The following ALKBH7 variants were observed in gnomAD, a reference collection of about 807,000 sequenced individuals.
ALKBH7 encodes RNA demethylase ALKBH7, mitochondrial.
In ALKBH7, 21 loss-of-function variants were observed where a neutral mutation model predicts 19.3. The ratio of observed to expected loss-of-function variants is 1.09; its 90% CI spans 0.77 to 1.56. The LOEUF is 1.56. Ranked by LOEUF, ALKBH7 falls within the 40% of genes most tolerant of loss-of-function variation. The pLI, the probability that ALKBH7 is intolerant of heterozygous loss-of-function variation, is 0.00. For missense variants in ALKBH7, 354 were observed against 311.4 expected (o/e 1.14, Z -1.03); for synonymous variants, 147 against 139.5 (o/e 1.05, Z -0.38).
intron 1 of ALKBH7, chr19:6,373,413 G>A (rs2091902328): frequency 2.3e-6 from 1 of 432,968 alleles, no homozygotes; most frequent in African/African-American, 2.1e-5. Flanking sequence ...GTGCTGGGAT[G>A]GGGCGTGGCC....
intron 1 of ALKBH7, chr19:6,373,393 G>A: frequency 2.2e-6 from 1 of 452,624 alleles, no homozygotes; most frequent in Non-Finnish European, 3.8e-6. Context: ...GGCGGGGACA[G>A]TGGGGACCAG....
At chr19:6,373,784 G>T in intron 1 of ALKBH7, 1 of 1,287,718 alleles carries the variant, frequency 7.8e-7, no homozygotes, top group Non-Finnish European at 9.8e-7. Context: ...TATGGTGGGG[G>T]CTGGGCTGAA....
intron 1 of ALKBH7, 135 bp from the exon 2 acceptor site, chr19:6,374,068 C>G: frequency 6.6e-7 from 1 of 1,520,280 alleles, no homozygotes; most frequent in Admixed American, 2.4e-5. Flanking sequence ...AGTTGAGGGG[C>G]TAGGGGAGTT....
rs2091903774 is a variant in ALKBH7 at position 6,373,599 on chromosome 19, G to T, written c.204+575G>T. The T allele has an allele frequency of 3.3e-6, 4 of 1,226,514 alleles. No homozygotes were observed. In the African/African-American group the frequency reaches 6.3e-5, roughly 19 times the overall value. The allele number at this position is 1,226,514 out of a possible 1,614,324, so 76.0% of individuals were successfully genotyped here. On this transcript the variant is annotated intron_variant, in intron 1 of 3. Transcript: ENST00000245812. Reference sequence around the variant, plus strand: ...ATGGGGCGGGGCCAAGCTTGGGGCGGGGTCCGTGGAGTCAAGCGCCGGGAT... The same window carrying T: ...ATGGGGCGGGGCCAAGCTTGGGGCGTGGTCCGTGGAGTCAAGCGCCGGGAT...
At chr19:6,373,059 G>A (rs764925570) in intron 1 of ALKBH7, 35 bp downstream of exon 1, 3 of 1,535,324 alleles carry the variant, frequency 2.0e-6, no homozygotes, top group Non-Finnish European at 8.7e-7. Context: ...AGGGACGGGG[G>A]CTCGTCGGGG....
chr19:6,374,875 C>CGCCGGATTCCCCGGG lies in ALKBH7; in HGVS notation c.574_588dup (p.Ile192_Arg196dup). On this transcript the variant is annotated inframe_insertion, in exon 4 of 4. Transcript: ENST00000245812. ...GGATGAAGAGTCCTTCTTTGGGGAA[C>CGCCGGATTCCCCGGG]GCCGGATTCCCCGGGGCCGGCGCAT... 6.2e-7 allele frequency: 1 copy of CGCCGGATTCCCCGGG among 1,614,110 alleles called. No individual in the cohort carries two copies. The highest frequency in any genetic ancestry group is 8.5e-7 in the Non-Finnish European group (1 of 1,179,980).
Position 6,374,505 on chromosome 19 carries a change from C to T in ALKBH7, c.419C>T (p.Pro140Leu). 1 of 1,614,044 alleles carries T rather than the reference C, an allele frequency of 6.2e-7. No homozygotes were observed. Residue 140 changes from proline (P) to leucine (L), a missense_variant, in exon 3 of 4, where the codon CCC becomes CTC. Transcript: ENST00000245812. ...ATIAGLSLLS[P>L]SVMRLVHTQE... ...ATCGCCGGCCTGTCTCTCCTGTCTCCCAGCGTTATGCGGCTGGTGCACACC... is the reference window on the plus strand; with the variant it reads ...ATCGCCGGCCTGTCTCTCCTGTCTCTCAGCGTTATGCGGCTGGTGCACACC...
At position 6,374,309 on chromosome 19, in the gene ALKBH7, TCTC is replaced by T. The variant is rs1555720817; in HGVS notation, c.316_318del (p.Ser106del). 4.3e-6 allele frequency: 7 copies of T among 1,612,822 alleles called. No individual in the cohort carries two copies. Among genetic ancestry groups the T allele is most frequent in the Non-Finnish European group, 5.1e-6 (6 of 1,179,740 alleles). On this transcript the variant is annotated inframe_deletion, in exon 2 of 4. Coordinates refer to ENST00000245812, the MANE Select transcript of ALKBH7 (RefSeq NM_032306.4). ...GCCTTTGGCCCCGGCCAGACCCTGC[TCTC>T]CTCCGTGCACGTGCTGGACCTGGAA...
rs763121703 is a variant in ALKBH7, at chr19:6,373,028, A to G, written c.204+4A>G. 175 of 1,560,264 alleles carry G rather than the reference A, an allele frequency of 1.1e-4. No individual in the cohort carries two copies. The highest frequency in any genetic ancestry group is 1.4e-4 in the Non-Finnish European group (164 of 1,155,314). Reference sequence around the variant, plus strand: ...CGAATACGATCACTGGGACGCGGTGAGACCGGCAGCGCCGGGGGCGAGGGA... The same window carrying G: ...CGAATACGATCACTGGGACGCGGTGGGACCGGCAGCGCCGGGGGCGAGGGA... On this transcript the variant is annotated splice_donor_region_variant and intron_variant, in intron 1 of 3. Coordinates refer to ENST00000245812, the MANE Select transcript of ALKBH7 (RefSeq NM_032306.4).
intron 1 of ALKBH7, 86 bp downstream of exon 1, chr19:6,373,110 A>T: frequency 2.7e-6 from 4 of 1,460,112 alleles, no homozygotes; most frequent in Non-Finnish European, 3.6e-6. Flanking sequence ...GGGCGGGGAC[A>T]CGCTGGGGGC....
intron 2 of ALKBH7, 38 bp downstream of exon 2, chr19:6,374,414 G>GGGTA: frequency 6.2e-7 from 1 of 1,604,530 alleles, no homozygotes; most frequent in Non-Finnish European, 8.5e-7. Context: ...CCCAGCCAGG[G>GGGTA]GGTAGGCAGG....
chr19:6,374,115 C>T, intron 1 of ALKBH7, 88 bp from the exon 2 acceptor site: 1 of 1,581,958 alleles, frequency 6.3e-7, no homozygotes, highest in South Asian at 1.1e-5. Flanking sequence ...CATAGGGAAA[C>T]CAGCCCCTTG....
rs774209695 is a variant in ALKBH7 at position 6,374,321 on chromosome 19, A to G, written c.323A>G (p.His108Arg). ...GPGQTLLSSV[H>R]VLDLEARGYI... Reference sequence around the variant, plus strand: ...GGCCAGACCCTGCTCTCCTCCGTGCACGTGCTGGACCTGGAAGCCCGCGGC... The same window carrying G: ...GGCCAGACCCTGCTCTCCTCCGTGCGCGTGCTGGACCTGGAAGCCCGCGGC... Residue 108 changes from histidine to arginine, a missense_variant, in exon 2 of 4, where the codon CAC becomes CGC. Physicochemically the swap from His to Arg is conservative, Grantham distance 29. Coordinates refer to ENST00000245812, the MANE Select transcript of ALKBH7 (RefSeq NM_032306.4). 1.9e-6 allele frequency: 3 copies of G among 1,612,532 alleles called. No individual in the cohort carries two copies. Among genetic ancestry groups the G allele is most frequent in the Non-Finnish European group, 1.7e-6 (2 of 1,179,594 alleles).
At chr19:6,373,980 C>A in intron 1 of ALKBH7, 2 of 985,188 alleles carry the variant, frequency 2.0e-6, no homozygotes, top group Non-Finnish European at 2.4e-6. Flanking sequence ...AATGCTGGGG[C>A]CGGGCCAGCA....
chr19:6,373,843 C>G (rs1406945230), intron 1 of ALKBH7: 3 of 1,307,632 alleles, frequency 2.3e-6, no homozygotes, highest in South Asian at 2.4e-5. Flanking sequence ...ACCTTGGGGT[C>G]AGGGAGAGCA....
chr19:6,374,335 G>A lies in ALKBH7; in HGVS notation c.337G>A (p.Glu113Lys). ...CTCCTCCGTGCACGTGCTGGACCTG[G>A]AAGCCCGCGGCTACATCAAGCCCCA... Reference protein sequence around the residue: ...LLSSVHVLDLEARGYIKPHVD... With the variant: ...LLSSVHVLDLKARGYIKPHVD... The change falls in exon 2 of 4, where the codon GAA becomes AAA. Residue 113 changes from glutamate (E) to lysine (K), a missense_variant. Transcript: ENST00000245812. The A allele has an allele frequency of 1.2e-6, 2 of 1,611,310 alleles. No individual in the cohort carries two copies. Among genetic ancestry groups the A allele is most frequent in the South Asian group, 1.1e-5 (1 of 90,972 alleles).
At chr19:6,374,102 T>G (rs2091907639) in intron 1 of ALKBH7, 101 bp from the exon 2 acceptor site, 3 of 1,568,934 alleles carry the variant, frequency 1.9e-6, no homozygotes, top group Admixed American at 2.1e-5. Flanking sequence ...GGGTCAAGAG[T>G]CACATAGGGA....
At chr19:6,373,079 G>A in intron 1 of ALKBH7, 55 bp downstream of exon 1, 1 of 1,517,114 alleles carries the variant, frequency 6.6e-7, no homozygotes, top group African/African-American at 1.4e-5. Context: ...GGCGCGGCCT[G>A]GGGACGTGGA....
intron 1 of ALKBH7, 64 bp downstream of exon 1, chr19:6,373,088 G>A: frequency 1.3e-6 from 2 of 1,508,610 alleles, no homozygotes; most frequent in Non-Finnish European, 8.8e-7. Flanking sequence ...TGGGGACGTG[G>A]AGCATCAGAT....
Sources: allele counts gnomAD v4.1 joint callset, GRCh38; gene constraint gnomAD v4.1.1; transcripts MANE v1.5; gene names NCBI Gene and HGNC (gene_info 2026-07-23, HGNC 2026-07-21).